DAB1: variants seen among roughly 807,000 people sequenced by gnomAD.
DAB1 encodes DAB adaptor protein 1.
DAB1 carries 15 observed loss-of-function variants against 64.6 expected under a neutral mutation model. The ratio of observed to expected loss-of-function variants is 0.23; its 90% confidence interval spans 0.16 to 0.36. The LOEUF (loss-of-function observed/expected upper bound fraction) is 0.36. DAB1 is among the 10% of genes least tolerant of loss of function. DAB1 has a pLI of 1.00. For missense variants in DAB1, 596 were observed against 706.7 expected, an observed-to-expected ratio of 0.84 and a Z score of 1.78; for synonymous variants, 235 against 251.9, an observed-to-expected ratio of 0.93 and a Z score of 0.64.
At chr1:58,056,260 C>A (rs1297571334) in intron 5 of DAB1, 6 of 1,335,446 alleles carry the variant, frequency 4.5e-6, no homozygotes, top group Non-Finnish European at 6.4e-6. Context: ...ACAACTCACA[C>A]AGTAATGTAG....
intron 5 of DAB1, among the ~76,000 whole-genome samples, chr1:57,907,210 G>C (rs911034848): frequency 2.0e-5 from 3 of 152,130 alleles, no homozygotes; most frequent in African/African-American, 7.2e-5. Context: ...AGGGCTCTTG[G>C]TGCCCTCAGT....
intron 6 of DAB1, among the ~76,000 whole-genome samples, chr1:57,724,511 T>C (rs953765847): frequency 6.6e-6 from 1 of 152,180 alleles, no homozygotes; most frequent in African/African-American, 2.4e-5. Flanking sequence ...CTATTAACTT[T>C]TGCATGCTCC....
At chr1:57,034,192 A>C (rs1647057353) in intron 9 of DAB1, among the ~76,000 whole-genome samples, 1 of 150,954 alleles carries the variant, frequency 6.6e-6, no homozygotes, top group African/African-American at 2.4e-5. Flanking sequence ...AGGCAGGAGA[A>C]TCACTTGAAT....
intron 2 of DAB1, among the ~76,000 whole-genome samples, chr1:57,252,048 T>C (rs1412952301): frequency 6.6e-6 from 1 of 152,254 alleles, no homozygotes; most frequent in African/African-American, 2.4e-5. Flanking sequence ...AAGTCACAGC[T>C]ATTGTTACCC....
At chr1:58,227,460 CT>C (rs987435769) in intron 4 of DAB1, among the ~76,000 whole-genome samples, 5 of 152,080 alleles carry the variant, frequency 3.3e-5, no homozygotes, top group Admixed American at 2.6e-4. Flanking sequence ...AAAGGGGAGC[CT>C]TAATAAAATG....
At chr1:58,362,876 C>G (rs751666303) in intron 3 of DAB1, among the ~76,000 whole-genome samples, 1 of 152,192 alleles carries the variant, frequency 6.6e-6, no homozygotes, top group Non-Finnish European at 1.5e-5. Context: ...GCTTCCATAA[C>G]AAAATACCAT....
At chr1:57,029,392 G>A (rs1646896564) in intron 9 of DAB1, among the ~76,000 whole-genome samples, 1 of 152,224 alleles carries the variant, frequency 6.6e-6, no homozygotes, top group Non-Finnish European at 1.5e-5. Flanking sequence ...CTCCTGCTAG[G>A]GCAGTGTGGA....
At chr1:58,539,144 G>C in intron 1 of DAB1, 3 of 872,940 alleles carry the variant, frequency 3.4e-6, no homozygotes, top group Non-Finnish European at 6.0e-6. Context: ...CCCAGTCCCT[G>C]ATACTTATTT....
intron 1 of DAB1, among the ~76,000 whole-genome samples, chr1:57,829,837 T>C (rs146032988): frequency 2.0e-4 from 30 of 152,336 alleles, no homozygotes; most frequent in Non-Finnish European, 7.3e-5. Context: ...CTTACATGGG[T>C]AAATACAGAC....
intron 4 of DAB1, among the ~76,000 whole-genome samples, chr1:58,300,632 GAGAGAGAGAGAGAGAGGA>G (rs1378113489): frequency 1.1e-3 from 75 of 69,828 alleles, no homozygotes; most frequent in East Asian, 2.9e-3. Flanking sequence ...GAGAGAGAGA[GAGAGAGAGAGAGAGAGGA>G]AGGAAGGAAG....
intron 14 of DAB1, among the ~76,000 whole-genome samples, chr1:57,001,046 G>C (rs901408083): frequency 6.6e-6 from 1 of 152,160 alleles, no homozygotes; most frequent in Non-Finnish European, 1.5e-5. Context: ...CAGTGGTGTG[G>C]AAAACCCCCA....
At chr1:57,128,639 C>A (rs951941858) in intron 4 of DAB1, among the ~76,000 whole-genome samples, 3 of 151,998 alleles carry the variant, frequency 2.0e-5, no homozygotes, top group African/African-American at 7.3e-5. Flanking sequence ...AACAGGGGCC[C>A]GTACAGCAAG....
chr1:57,581,730 ATATAT>A (rs967098031), intron 7 of DAB1, among the ~76,000 whole-genome samples: 14 of 148,588 alleles, frequency 9.4e-5, no homozygotes, highest in African/African-American at 3.4e-4. Flanking sequence ...ATTATATAAT[ATATAT>A]TATATGTGTT....
chr1:58,183,935 T>C (rs1229180955), intron 4 of DAB1, among the ~76,000 whole-genome samples: 1 of 151,594 alleles, frequency 6.6e-6, no homozygotes. Context: ...AACCATTATT[T>C]CAAGTTGGCT....
chr1:58,239,192 T>C (rs543503637), intron 4 of DAB1, among the ~76,000 whole-genome samples: 1 of 152,344 alleles, frequency 6.6e-6, no homozygotes, highest in East Asian at 1.9e-4. Flanking sequence ...CCTCTTCTTC[T>C]GTCTTTCAGA....
At chr1:57,369,895 C>T (rs1455790452) in intron 1 of DAB1, among the ~76,000 whole-genome samples, 2 of 152,206 alleles carry the variant, frequency 1.3e-5, no homozygotes, top group Non-Finnish European at 2.9e-5. Context: ...GTGACTGAAC[C>T]AAGATCATCC....
intron 3 of DAB1, among the ~76,000 whole-genome samples, chr1:58,379,788 C>T (rs186656382): frequency 8.5e-5 from 13 of 152,228 alleles, no homozygotes; most frequent in South Asian, 4.1e-4. Flanking sequence ...TAGGAAAACA[C>T]GGTATATGGA....
intron 7 of DAB1, among the ~76,000 whole-genome samples, chr1:57,438,557 A>G (rs555178295): frequency 1.3e-5 from 2 of 152,276 alleles, no homozygotes; most frequent in South Asian, 4.1e-4. Flanking sequence ...AAGTGCCACT[A>G]TTATCTCTAT....
chr1:58,112,509 T>A (rs1042921574), intron 5 of DAB1, among the ~76,000 whole-genome samples: 21 of 152,304 alleles, frequency 1.4e-4, no homozygotes, highest in African/African-American at 5.1e-4. Flanking sequence ...GAGACTATTT[T>A]CTCTCCAGTA....
Sources: gnomAD v4.1 joint callset for allele counts (sites outside exome capture counted in the v4.1 genomes callset) on GRCh38, gnomAD v4.1.1 for gene constraint, MANE v1.5 for transcripts, NCBI Gene and HGNC (gene_info 2026-07-23, HGNC 2026-07-21) for gene names.